The following AGO2 variants were observed in gnomAD, a reference collection of about 807,000 sequenced individuals.
AGO2 encodes protein argonaute-2.
In AGO2, 5 loss-of-function variants were observed where a neutral mutation model predicts 102.3. The ratio of observed to expected loss-of-function variants is 0.05; its 90% CI spans 0.03 to 0.10. The LOEUF (loss-of-function observed/expected upper bound fraction) is 0.10. Among genes scored for constraint, AGO2 ranks in the 10% least tolerant of loss-of-function variants. The pLI, the probability that AGO2 is intolerant of heterozygous loss-of-function variation, is 1.00. For synonymous variants in AGO2, 449 were observed against 473.1 expected (o/e 0.95, Z 0.66); for missense variants, 541 against 1,183.7 (o/e 0.46, Z 7.97).
intron 10 of AGO2, among the ~76,000 whole-genome samples, chr8:140,553,710 T>C (rs2073045123): frequency 6.9e-6 from 1 of 145,670 alleles, no homozygotes; most frequent in Non-Finnish European, 1.5e-5. Flanking sequence ...TGCCTGGCCT[T>C]TTTTTTGAGA....
rs1243900627 is a variant in AGO2 at position 140,528,132 on chromosome 8, G to A, written c.*3912C>T. ...CAGATCAATGTAAAATTACATTGCT[G>A]CATATATAAGAAAAACAATTCATCC... is the stretch of plus-strand genomic sequence containing the variant. On this transcript the variant is annotated 3_prime_UTR_variant, in exon 19 of 19. Coordinates refer to ENST00000220592, the MANE Select transcript of AGO2 (RefSeq NM_012154.5). This position sits in a 1 kb window ranked among gnomAD's most constrained non-coding sequence, Gnocchi z 4.5. The A allele has an allele frequency of 6.6e-6, 1 of 152,190 alleles. No individual in the cohort carries two copies. Among genetic ancestry groups the A allele is most frequent in the Non-Finnish European group, 1.5e-5 (1 of 68,032 alleles). The allele number at this position is 152,190 out of a possible 1,614,324, so 9.4% of individuals were successfully genotyped here.
At chr8:140,585,064 C>T in intron 2 of AGO2, 55 bp downstream of exon 2, 1 of 1,500,922 alleles carries the variant, frequency 6.7e-7, no homozygotes, top group Non-Finnish European at 9.1e-7. Context: ...AGTTTAAATG[C>T]CGTGTCTGTC....
At chr8:140,565,641 CAA>C (rs34444857) in intron 3 of AGO2, among the ~76,000 whole-genome samples, 19 of 110,654 alleles carry the variant, frequency 1.7e-4, no homozygotes, top group African/African-American at 2.1e-4. Flanking sequence ...GACTCTGTCT[CAA>C]AAAAAAAAAA....
rs536589035 is a variant in AGO2 at position 140,540,743 on chromosome 8, C to T, written c.2034+421G>A. ...CACCTATCCATCCTTCTGGCCCTGC[C>T]TCCACACCTCTCACACTGCAGACAG... On this transcript the variant is annotated intron_variant, in intron 15 of 18. Coordinates refer to ENST00000220592, the MANE Select transcript of AGO2 (RefSeq NM_012154.5). The surrounding 1 kb of genome is among the most constrained non-coding windows in gnomAD (Gnocchi z 5.0). Among the ~76,000 whole-genome samples the T allele has an allele frequency of 2.6e-5, 4 of 152,316 alleles. No homozygotes were observed. In the South Asian group the frequency reaches 8.3e-4, roughly 32 times the overall value.
At chr8:140,602,960 G>A (rs1049635798) in intron 1 of AGO2, among the ~76,000 whole-genome samples, 3 of 152,206 alleles carry the variant, frequency 2.0e-5, no homozygotes, top group African/African-American at 4.8e-5. Flanking sequence ...AAAAGTTAAC[G>A]ACGATGCCTG....
intron 1 of AGO2, among the ~76,000 whole-genome samples, chr8:140,609,238 A>G (rs1398191943): frequency 6.6e-6 from 1 of 152,236 alleles, no homozygotes; most frequent in Non-Finnish European, 1.5e-5. Flanking sequence ...AAAGTTCCAT[A>G]AGAAACCCGT....
At chr8:140,641,634 A>T in the AGO2 span, among the ~76,000 whole-genome samples, 61,671 of 152,188 alleles carry the variant, frequency 0.41, 14,095 homozygotes, top group Non-Finnish European at 0.52. Context: ...CCTGGGCTGG[A>T]GTGCAGTGGC....
rs557033372 is a variant in AGO2, at chr8:140,547,364, G to A, written c.1748+104C>T. On this transcript the variant is annotated intron_variant, in intron 13 of 18. Transcript: ENST00000220592. ...GTGGCCAGGACGGTGCTGGGCCCAG[G>A]TGAAGGGACCCTGCCCCCCTGCCCC... The A allele has an allele frequency of 4.2e-6, 6 of 1,437,900 alleles. No individual in the cohort carries two copies. In the East Asian group the frequency reaches 1.4e-4, roughly 33 times the overall value. 89.1% of individuals were successfully genotyped at this position (1,437,900 alleles called of 1,614,324 possible). A position where few individuals can be genotyped will look rare whatever the true frequency, so the allele number is the denominator to read the frequency against.
At chr8:140,620,758 G>C (rs11997336) in intron 1 of AGO2, among the ~76,000 whole-genome samples, 4,806 of 152,172 alleles carry the variant, frequency 0.032, 266 homozygotes, top group African/African-American at 0.11. Flanking sequence ...GGGAGGCTGA[G>C]GCAGGAGGAT....
In AGO2 at chr8:140,532,173, G is replaced by A. The variant is rs747371778; in HGVS notation, c.2472-21C>T. On this transcript the variant is annotated intron_variant, in intron 18 of 18. Coordinates refer to ENST00000220592, the MANE Select transcript of AGO2 (RefSeq NM_012154.5). The stretch of plus-strand genomic sequence containing the variant: ...CAGCACTGCAGGGATGAGAGAGAGA[G>A]AGAATGAGAATGTGCAGCCTTAATG... The A allele has an allele frequency of 6.2e-6, 10 of 1,601,360 alleles. No individual in the cohort carries two copies. In the African/African-American group the frequency reaches 8.0e-5, roughly 13 times the overall value.
At chr8:140,586,146 C>A (rs2073651331) in intron 1 of AGO2, among the ~76,000 whole-genome samples, 1 of 152,226 alleles carries the variant, frequency 6.6e-6, no homozygotes, top group African/African-American at 2.4e-5. Flanking sequence ...CCTTCAATGG[C>A]ACTCAGCGGG....
rs2072589608 is a variant in AGO2, at chr8:140,531,205, GACATA to G, written c.*834_*838del. On this transcript the variant is annotated 3_prime_UTR_variant, in exon 19 of 19. Transcript: ENST00000220592. ...ATATATATTCTTCTCTTACATTAAA[GACATA>G]ACAGTGAAAAAGGATTGTACTGTAT... The G allele has an allele frequency of 6.6e-6, 1 of 152,474 alleles. No homozygotes were observed. Among genetic ancestry groups the G allele is most frequent in the African/African-American group, 2.4e-5 (1 of 41,384 alleles). The allele number at this position is 152,474 out of a possible 1,614,324, so 9.4% of individuals were successfully genotyped here. A position where few individuals can be genotyped will look rare whatever the true frequency, so the allele number is the denominator to read the frequency against.
chr8:140,560,067 C>G (rs1588457481), intron 5 of AGO2, among the ~76,000 whole-genome samples: 1 of 152,354 alleles, frequency 6.6e-6, no homozygotes, highest in East Asian at 1.9e-4. Context: ...AGGCCACACC[C>G]AGGCTACAGT....
chr8:140,624,525 C>T (rs1462227177), intron 1 of AGO2, among the ~76,000 whole-genome samples: 1 of 152,222 alleles, frequency 6.6e-6, no homozygotes, highest in Non-Finnish European at 1.5e-5. Context: ...CGGGCTACAC[C>T]CAGGAGATGC....
rs549742661 is a variant in AGO2 at position 140,629,347 on chromosome 8, G to A, written c.22+6138C>T. Among the ~76,000 whole-genome samples the A allele has an allele frequency of 3.9e-5, 6 of 152,192 alleles. No individual in the cohort carries two copies. In the East Asian group the frequency reaches 5.8e-4, roughly 15 times the overall value. ...GGGGAATGTGCTGCTTCCCTTCAGC[G>A]CAGGCGCCCGTGCCCGGGGCCAGGT... On this transcript the variant is annotated intron_variant, in intron 1 of 18. Transcript: ENST00000220592.
At chr8:140,538,998 G>A (rs994498030) in intron 16 of AGO2, among the ~76,000 whole-genome samples, 1 of 152,152 alleles carries the variant, frequency 6.6e-6, no homozygotes, top group African/African-American at 2.4e-5. Context: ...AGCTACCAGG[G>A]AGGCTGACGT....
chr8:140,601,535 T>C (rs921258471), intron 1 of AGO2, among the ~76,000 whole-genome samples: 3 of 152,218 alleles, frequency 2.0e-5, no homozygotes, highest in African/African-American at 7.2e-5. Context: ...ATGTGAACCA[T>C]ATGGTGAATG....
chr8:140,534,923 T>A (rs924746376), intron 17 of AGO2, among the ~76,000 whole-genome samples: 53 of 151,872 alleles, frequency 3.5e-4, no homozygotes, highest in African/African-American at 1.2e-3. Context: ...CAGATGGGGG[T>A]CCCCTCATGA....
At chr8:140,562,710 C>A in intron 3 of AGO2, 76 bp from the exon 4 acceptor site, 1 of 1,533,024 alleles carries the variant, frequency 6.5e-7, no homozygotes, top group Non-Finnish European at 8.8e-7. Context: ...CAGTGGTTGG[C>A]TTCCAGACAC....
Sources: gnomAD v4.1 joint callset for allele counts (sites outside exome capture counted in the v4.1 genomes callset) on GRCh38, gnomAD v4.1.1 for gene constraint, Gnocchi (gnomAD v3.1) non-coding constraint, MANE v1.5 for transcripts, NCBI Gene and HGNC (gene_info 2026-07-23, HGNC 2026-07-21) for gene names.